Variants in METTL15 observed in about 807,000 individuals in gnomAD.
METTL15 encodes methyltransferase 15, mitochondrial 12S rRNA N4-cytidine.
In METTL15, 34 loss-of-function variants were observed where a neutral mutation model predicts 38.3. That is an observed-to-expected ratio of 0.89 (90% confidence interval 0.68 to 1.18). METTL15 has a LOEUF of 1.18. Ranked by LOEUF, METTL15 falls within the 50% of genes most tolerant of loss-of-function variation. The pLI is 0.00. For synonymous variants in METTL15, 162 were observed against 170.9 expected (o/e 0.95, Z 0.41); for missense variants, 438 against 498.4 (o/e 0.88, Z 1.15).
At chr11:28,405,056 A>G (rs892449014) in intron 5 of METTL15, among the ~76,000 whole-genome samples, 7 of 152,186 alleles carry the variant, frequency 4.6e-5, no homozygotes, top group African/African-American at 1.7e-4. Context: ...TCATTCATTG[A>G]ACAAACATTC....
chr11:28,212,932 A>T (rs1041379021), intron 4 of METTL15, among the ~76,000 whole-genome samples: 2 of 152,176 alleles, frequency 1.3e-5, no homozygotes, highest in African/African-American at 2.4e-5. Flanking sequence ...TGTAGCTTAA[A>T]GTTTACAAAT....
chr11:28,242,115 C>G (rs1590209687), intron 4 of METTL15, among the ~76,000 whole-genome samples: 2 of 152,260 alleles, frequency 1.3e-5, no homozygotes, highest in East Asian at 3.9e-4. Context: ...AGAATATTGA[C>G]TAAAATTTTG....
intron 3 of METTL15, among the ~76,000 whole-genome samples, chr11:28,167,389 G>C (rs536230464): frequency 6.6e-6 from 1 of 152,098 alleles, no homozygotes; most frequent in Non-Finnish European, 1.5e-5. Flanking sequence ...AACCAGGGTC[G>C]TGCCACCAAA....
chr11:28,374,744 A>C (rs1282841882), intron 5 of METTL15, among the ~76,000 whole-genome samples: 1 of 151,236 alleles, frequency 6.6e-6, no homozygotes, highest in Non-Finnish European at 1.5e-5. Context: ...GTCTTGTGCC[A>C]GTTTTCAAAG....
At chr11:28,483,713 AT>A (rs1399210437) in intron 6 of METTL15, among the ~76,000 whole-genome samples, 1 of 152,176 alleles carries the variant, frequency 6.6e-6, no homozygotes, top group Non-Finnish European at 1.5e-5. Context: ...AATGTTACTT[AT>A]AAAAACAGGT....
At chr11:28,372,184 A>C (rs929210583) in intron 5 of METTL15, among the ~76,000 whole-genome samples, 1 of 152,028 alleles carries the variant, frequency 6.6e-6, no homozygotes, top group Non-Finnish European at 1.5e-5. Flanking sequence ...TTTACCATAA[A>C]GAGATGTTGA....
At chr11:28,440,258 G>T (rs1851022958) in intron 6 of METTL15, among the ~76,000 whole-genome samples, 2 of 152,006 alleles carry the variant, frequency 1.3e-5, no homozygotes, top group Non-Finnish European at 2.9e-5. Flanking sequence ...TTAAGTAGTT[G>T]TACATCTATG....
At chr11:28,264,200 A>G (rs1417897134) in intron 4 of METTL15, among the ~76,000 whole-genome samples, 1 of 152,132 alleles carries the variant, frequency 6.6e-6, no homozygotes, top group Non-Finnish European at 1.5e-5. Flanking sequence ...ATTCTCCAGT[A>G]TAATATTTTG....
intron 3 of METTL15, among the ~76,000 whole-genome samples, chr11:28,193,107 TC>T (rs1851759646): frequency 6.6e-6 from 1 of 152,134 alleles, no homozygotes; most frequent in Non-Finnish European, 1.5e-5. Flanking sequence ...CCATTCTATC[TC>T]AGGAGAATAC....
chr11:28,289,276 C>T (rs770764664), intron 4 of METTL15, among the ~76,000 whole-genome samples: 1 of 152,080 alleles, frequency 6.6e-6, no homozygotes, highest in Non-Finnish European at 1.5e-5. Context: ...ATGCCTGACC[C>T]ATAGCAAATA....
chr11:28,235,340 A>G (rs1004482478), intron 4 of METTL15, among the ~76,000 whole-genome samples: 23 of 152,028 alleles, frequency 1.5e-4, no homozygotes, highest in Non-Finnish European at 1.3e-4. Context: ...CAATTCTGTG[A>G]AGAAAGTCAT....
intron 6 of METTL15, among the ~76,000 whole-genome samples, chr11:28,448,912 A>T (rs1259624659): frequency 6.6e-6 from 1 of 152,168 alleles, no homozygotes; most frequent in Non-Finnish European, 1.5e-5. Context: ...GTGAGAAAAT[A>T]GTTTTTGTGC....
intron 6 of METTL15, among the ~76,000 whole-genome samples, chr11:28,433,172 G>GTTTTTTTTTTTGTTTTTTTT (rs72444156): frequency 1.3e-5 from 1 of 77,188 alleles, no homozygotes. Flanking sequence ...TGTTTTTTTT[G>GTTTTTTTTTTTGTTTTTTTT]TTTTTTTTTG....
chr11:28,382,915 A>G (rs758978706), intron 5 of METTL15, among the ~76,000 whole-genome samples: 42 of 149,118 alleles, frequency 2.8e-4, no homozygotes, highest in Non-Finnish European at 5.8e-4. Context: ...GTCCTGTCTG[A>G]TCCTCACATT....
At chr11:28,498,411 GCCTCCCAAAGTGCTGGGAT>G (rs1239290751) in intron 6 of METTL15, among the ~76,000 whole-genome samples, 2 of 152,074 alleles carry the variant, frequency 1.3e-5, no homozygotes, top group Non-Finnish European at 2.9e-5. Flanking sequence ...GCCCACCTCG[GCCTCCCAAAGTGCTGGGAT>G]TACAGGCGTG....
At chr11:28,215,242 T>C (rs1204228811) in intron 4 of METTL15, among the ~76,000 whole-genome samples, 1 of 152,168 alleles carries the variant, frequency 6.6e-6, no homozygotes, top group Non-Finnish European at 1.5e-5. Context: ...TTATGGCCAT[T>C]TATTCTATTA....
intron 6 of METTL15, among the ~76,000 whole-genome samples, chr11:28,311,484 C>A (rs1240045131): frequency 6.6e-6 from 1 of 152,118 alleles, no homozygotes; most frequent in Non-Finnish European, 1.5e-5. Flanking sequence ...CTTTGTCTAC[C>A]TTATGAACTG....
At chr11:28,151,568 TTGC>T (rs1164792024) in intron 3 of METTL15, among the ~76,000 whole-genome samples, 2 of 151,996 alleles carry the variant, frequency 1.3e-5, no homozygotes, top group African/African-American at 4.8e-5. Flanking sequence ...GACTTTGCAC[TTGC>T]TTCTGTCCAT....
chr11:28,485,547 G>T (rs913243565), intron 6 of METTL15, among the ~76,000 whole-genome samples: 1 of 152,172 alleles, frequency 6.6e-6, no homozygotes, highest in African/African-American at 2.4e-5. Context: ...GGGACATAAT[G>T]AATCATATTG....
Sources: allele counts gnomAD v4.1 joint callset (sites outside exome capture counted in the v4.1 genomes callset), GRCh38; gene constraint gnomAD v4.1.1; transcripts MANE v1.5; gene names NCBI Gene and HGNC (gene_info 2026-07-23, HGNC 2026-07-21).